Variants in MCTP2 observed in about 807,000 individuals in gnomAD.
The protein encoded by MCTP2 is multiple C2 and transmembrane domain containing 2.
A neutral mutation model predicts 111.6 loss-of-function variants in MCTP2; 132 were observed. That is an observed-to-expected ratio of 1.18 (90% CI 1.03 to 1.37). The LOEUF is 1.37. MCTP2 is among the 40% of genes most tolerant of loss of function. The probability of loss-of-function intolerance (pLI) is 0.00; values close to 1 mark genes in which losing one functional copy is unlikely to be tolerated. For synonymous variants in MCTP2, 395 were observed against 387.7 expected, an observed-to-expected ratio of 1.02 and a Z score of -0.22; for missense variants, 1,183 against 1,067.9, an observed-to-expected ratio of 1.11 and a Z score of -1.50.
chr15:94,267,865 C>CGTTCTTTTTTTTTTT (rs2073637609), intron 1 of MCTP2, among the ~76,000 whole-genome samples: 1 of 18,292 alleles, frequency 5.5e-5, no homozygotes, highest in African/African-American at 3.2e-4. Context: ...CTTTCCTTTT[C>CGTTCTTTTTTTTTTT]TTTCTTTTTT....
intron 4 of MCTP2, among the ~76,000 whole-genome samples, chr15:94,338,488 A>ATTTTTTTTTTT (rs201502636): frequency 1.5e-5 from 2 of 134,196 alleles, no homozygotes; most frequent in Non-Finnish European, 1.6e-5. Flanking sequence ...GTTTGCAGGC[A>ATTTTTTTTTTT]TTTTTTTTTT....
intron 1 of MCTP2, among the ~76,000 whole-genome samples, chr15:94,237,891 C>G (rs988885823): frequency 1.3e-5 from 2 of 152,166 alleles, no homozygotes; most frequent in Non-Finnish European, 2.9e-5. Flanking sequence ...TTCTATTGAT[C>G]CCAGGTCTTT....
At chr15:94,435,336 A>T (rs924808829) in intron 17 of MCTP2, among the ~76,000 whole-genome samples, 1 of 152,164 alleles carries the variant, frequency 6.6e-6, no homozygotes, top group Non-Finnish European at 1.5e-5. Flanking sequence ...GTTTCTTAAT[A>T]ATCTTTCATA....
At chr15:94,298,805 C>T (rs117268644) in intron 2 of MCTP2, 75 bp downstream of exon 2, 92,064 of 890,720 alleles carry the variant, frequency 0.1, 8,569 homozygotes, top group East Asian at 0.23. Flanking sequence ...TCCCTCTCTC[C>T]CCATCTCCCT....
At chr15:94,450,049 CTG>C (rs568614369) in intron 19 of MCTP2, among the ~76,000 whole-genome samples, 236 of 151,988 alleles carry the variant, frequency 1.6e-3, no homozygotes, top group African/African-American at 4.6e-3. Flanking sequence ...ATTGAGCTGA[CTG>C]TGTATTCCTT....
At chr15:94,442,871 T>C (rs1567716318) in intron 18 of MCTP2, 48 bp from the exon 19 acceptor site, 2 of 1,525,796 alleles carry the variant, frequency 1.3e-6, no homozygotes, top group East Asian at 2.3e-5. Context: ...AATTTGCATT[T>C]GTTAATTTCG....
At chr15:94,391,475 C>A (rs968569574) in intron 14 of MCTP2, among the ~76,000 whole-genome samples, 2 of 152,034 alleles carry the variant, frequency 1.3e-5, no homozygotes, top group African/African-American at 4.8e-5. Context: ...TTGGCAAATT[C>A]CATGTAAGTC....
intron 18 of MCTP2, 102 bp downstream of exon 18, chr15:94,440,400 G>T (rs12437444): frequency 0.076 from 112,261 of 1,478,924 alleles, 4,855 homozygotes; most frequent in East Asian, 0.16. Context: ...TTCGTTTGAG[G>T]TGTAAGGAGC....
intron 14 of MCTP2, among the ~76,000 whole-genome samples, chr15:94,390,725 CTTTTT>C (rs777312969): frequency 1.8e-5 from 2 of 112,984 alleles, no homozygotes; most frequent in Non-Finnish European, 3.7e-5. Flanking sequence ...CTTTTCTTTT[CTTTTT>C]TTTTTTTTTT....
chr15:94,304,189 C>T (rs1343169740), intron 2 of MCTP2, among the ~76,000 whole-genome samples: 2 of 152,210 alleles, frequency 1.3e-5, no homozygotes, highest in Admixed American at 6.5e-5. Flanking sequence ...TGCCTGTAAT[C>T]CCAGCACTTT....
At chr15:94,295,026 T>G (rs1328101721) in intron 1 of MCTP2, among the ~76,000 whole-genome samples, 2 of 132,186 alleles carry the variant, frequency 1.5e-5, no homozygotes, top group Non-Finnish European at 3.1e-5. Flanking sequence ...CTCAGCTCAC[T>G]GCAACCTCCG....
chr15:94,344,840 GATA>G (rs1281137617), intron 7 of MCTP2, among the ~76,000 whole-genome samples: 1 of 152,114 alleles, frequency 6.6e-6, no homozygotes. Flanking sequence ...GGTGTTTTAA[GATA>G]ATTTTTAAAA....
At chr15:94,361,098 T>TTG (rs1555459153) in intron 10 of MCTP2, among the ~76,000 whole-genome samples, 23 of 139,766 alleles carry the variant, frequency 1.6e-4, no homozygotes, top group Non-Finnish European at 6.2e-5. Flanking sequence ...TTTTTTTTTT[T>TTG]TTTTTTTTTT....
At chr15:94,405,544 TC>T (rs2081858096) in intron 17 of MCTP2, among the ~76,000 whole-genome samples, 1 of 152,212 alleles carries the variant, frequency 6.6e-6, no homozygotes, top group Middle Eastern at 3.2e-3. Context: ...GACCCAAGCA[TC>T]ACCTTCCTCT....
chr15:94,240,650 G>C (rs1259289528), intron 1 of MCTP2, among the ~76,000 whole-genome samples: 2 of 152,104 alleles, frequency 1.3e-5, no homozygotes, highest in African/African-American at 4.8e-5. Context: ...GCATGGTCTT[G>C]ATAAATATGT....
chr15:94,245,175 T>G (rs1418484741), intron 1 of MCTP2, among the ~76,000 whole-genome samples: 2 of 147,188 alleles, frequency 1.4e-5, no homozygotes, highest in South Asian at 2.1e-4. Flanking sequence ...TACACATGTA[T>G]AGATTTATAC....
At chr15:94,407,681 T>C (rs1414236151) in intron 17 of MCTP2, among the ~76,000 whole-genome samples, 1 of 152,030 alleles carries the variant, frequency 6.6e-6, no homozygotes, top group Non-Finnish European at 1.5e-5. Flanking sequence ...TTAGAGATCC[T>C]AGAATATTGA....
intron 12 of MCTP2, among the ~76,000 whole-genome samples, chr15:94,381,498 C>A (rs796287551): frequency 6.6e-6 from 1 of 152,154 alleles, no homozygotes; most frequent in South Asian, 2.1e-4. Context: ...CTTGAGAGAG[C>A]GGGAGCCACA....
chr15:94,367,761 C>A lies in MCTP2; in HGVS notation c.1458C>A (p.Leu486=). 6.2e-7 allele frequency: 1 copy of A among 1,604,852 alleles called. No homozygotes were observed. The highest frequency in any genetic ancestry group is 1.1e-5 in the South Asian group (1 of 89,896). The change falls in exon 11 of 23, where the codon CTC becomes CTA. Residue 486 remains leucine, a synonymous_variant. Coordinates refer to ENST00000357742, the MANE Select transcript of MCTP2 (RefSeq NM_001385001.1). ...TGTGTGTCTGCCCCTTAGCAGACCT[C>A]AGCGAAAGAAAGCAGATTACCCAGC... ...SDLCVCPLAD[L]SERKQITQRY... is the part of the protein sequence containing the mutation.
Sources: gnomAD v4.1 joint callset for allele counts (sites outside exome capture counted in the v4.1 genomes callset) on GRCh38, gnomAD v4.1.1 for gene constraint, MANE v1.5 for transcripts, NCBI Gene and HGNC (gene_info 2026-07-23, HGNC 2026-07-21) for gene names.